SIRPA: variants seen among roughly 807,000 people sequenced by gnomAD.
The protein encoded by SIRPA is signal regulatory protein alpha.
Under a neutral mutation model 50.3 loss-of-function variants are expected in SIRPA, and 9 were observed. The ratio of observed to expected loss-of-function variants is 0.18; its 90% CI spans 0.11 to 0.31. SIRPA has a LOEUF of 0.31. Among genes scored for constraint, SIRPA ranks in the 10% least tolerant of loss-of-function variants. SIRPA has a pLI of 1.00. For missense variants in SIRPA, 474 were observed against 661.6 expected (o/e 0.72, Z 3.11); for synonymous variants, 265 against 284.1 (o/e 0.93, Z 0.68).
intron 1 of SIRPA, among the ~76,000 whole-genome samples, chr20:1,914,442 G>C (rs1985098319): frequency 6.8e-6 from 1 of 146,810 alleles, no homozygotes. Flanking sequence ...AGAAACCAAG[G>C]CTGAGAGCAG....
intron 4 of SIRPA, among the ~76,000 whole-genome samples, chr20:1,923,869 G>T (rs73069290): frequency 0.044 from 6,688 of 152,314 alleles, 215 homozygotes; most frequent in Non-Finnish European, 0.07. Flanking sequence ...GTCTCAGCTG[G>T]TAGGGGCCAT....
At chr20:1,908,373 C>G (rs1984673799) in intron 1 of SIRPA, among the ~76,000 whole-genome samples, 1 of 152,034 alleles carries the variant, frequency 6.6e-6, no homozygotes, top group African/African-American at 2.4e-5. Context: ...CCTCTACACA[C>G]ACATACACAC....
rs1364695534 is a variant in SIRPA, at chr20:1,938,886, C to G, written c.*1318C>G. The G allele has an allele frequency of 6.6e-6, 1 of 152,664 alleles. No homozygotes were observed. The highest frequency in any genetic ancestry group is 6.5e-5 in the Admixed American group (1 of 15,282). The allele number at this position is 152,664 out of a possible 1,614,324, so 9.5% of individuals were successfully genotyped here. On this transcript the variant is annotated 3_prime_UTR_variant, in exon 8 of 8. Coordinates refer to ENST00000358771, the MANE Select transcript of SIRPA (RefSeq NM_001040023.2). ...CACACAGAGGGTAGGGATAGTGGCC[C>G]TGGCCGTCTATCCTACCCCTTTAGT...
chr20:1,900,655 G>A (rs1337317778), intron 1 of SIRPA, among the ~76,000 whole-genome samples: 5 of 152,234 alleles, frequency 3.3e-5, no homozygotes, highest in African/African-American at 7.2e-5. Context: ...GGGCCCACGC[G>A]GGAGATCCAT....
intron 6 of SIRPA, among the ~76,000 whole-genome samples, chr20:1,929,623 C>A (rs1477486324): frequency 6.6e-6 from 1 of 152,136 alleles, no homozygotes; most frequent in Non-Finnish European, 1.5e-5. Flanking sequence ...TTGCTTCTTG[C>A]TCTGATCTCC....
chr20:1,928,489 A>T lies in SIRPA; in HGVS notation c.1226+590A>T, dbSNP rs1034428917. On this transcript the variant is annotated intron_variant, in intron 6 of 7. Transcript: ENST00000358771. The surrounding 1 kb of genome is among the most constrained non-coding windows in gnomAD (Gnocchi z 4.9). ...CAGCCCTGCTCAGGACCAGCTGGTG[A>T]TATAGCAGTAAACAAGAATCAGCCC... 2.6e-5 allele frequency among the ~76,000 whole-genome samples: 4 copies of T among 152,196 alleles called. No homozygotes were observed. The highest frequency in any genetic ancestry group is 9.7e-5 in the African/African-American group (4 of 41,448).
At chr20:1,913,101 T>C (rs4813319) in intron 1 of SIRPA, among the ~76,000 whole-genome samples, 65,938 of 151,960 alleles carry the variant, frequency 0.43, 14,775 homozygotes, top group East Asian at 0.66. Flanking sequence ...GGAAATGAAA[T>C]GAGAAGCTGG....
rs17855610 is a variant in SIRPA, at chr20:1,915,174, C to T, written c.155C>T (p.Thr52Ile). 0.18 allele frequency: 232,669 copies of T among 1,300,050 alleles called. 50,543 individuals are homozygous for T. Among genetic ancestry groups the T allele is most frequent in the East Asian group, 0.6 (22,922 of 38,374 alleles). The allele number at this position is 1,300,050 out of a possible 1,614,324, so 80.5% of individuals were successfully genotyped here. ...SVLVAAGETA[T>I]LRCTATSLIP... is the part of the protein sequence containing the mutation. ...TTGGTTGCAGCTGGAGAGACAGCCA[C>T]TCTGCGCTGCACTGCGACCTCTCTG... The change falls in exon 2 of 8, where the codon ACT becomes ATT. Residue 52 changes from threonine (T) to isoleucine (I), a missense_variant. Transcript: ENST00000358771.
intron 2 of SIRPA, among the ~76,000 whole-genome samples, chr20:1,916,550 G>A (rs1456558912): frequency 2.6e-5 from 4 of 152,218 alleles, no homozygotes; most frequent in Non-Finnish European, 5.9e-5. Context: ...GTTTCCTAAA[G>A]GTTCAGAATA....
At chr20:1,907,638 T>A (rs1984625475) in intron 1 of SIRPA, among the ~76,000 whole-genome samples, 1 of 152,094 alleles carries the variant, frequency 6.6e-6, no homozygotes, top group Non-Finnish European at 1.5e-5. Flanking sequence ...TCCCTAAACC[T>A]CCTCTTGCAA....
At chr20:1,922,124 C>T (rs914552773) in intron 3 of SIRPA, among the ~76,000 whole-genome samples, 189 bp from the exon 4 acceptor site, 1 of 152,184 alleles carries the variant, frequency 6.6e-6, no homozygotes, top group Non-Finnish European at 1.5e-5. Context: ...TGAGCACCTA[C>T]TGTGTGCTGG....
At chr20:1,918,482 G>A (rs1434294744) in intron 2 of SIRPA, among the ~76,000 whole-genome samples, 4 of 151,440 alleles carry the variant, frequency 2.6e-5, no homozygotes, top group Non-Finnish European at 5.9e-5. Flanking sequence ...AAAGTGCTGG[G>A]ATTACAGGTG....
upstream of SIRPA, among the ~76,000 whole-genome samples, chr20:1,895,057 G>C (rs1983687580): frequency 1.3e-5 from 2 of 150,458 alleles, no homozygotes; most frequent in Admixed American, 6.6e-5. Context: ...CGCGCGGTCT[G>C]TCGGTCTGCG....
rs1184523742 is a variant in SIRPA at position 1,898,660 on chromosome 20, C to T, written c.79+3134C>T. 6.6e-6 allele frequency among the ~76,000 whole-genome samples: 1 copy of T among 151,948 alleles called. No individual in the cohort carries two copies. Among genetic ancestry groups the T allele is most frequent in the Non-Finnish European group, 1.5e-5 (1 of 68,012 alleles). On this transcript the variant is annotated intron_variant, in intron 1 of 7. Transcript: ENST00000358771. This position sits in a 1 kb window ranked among gnomAD's most constrained non-coding sequence, Gnocchi z 4.3. Reference sequence around the variant, plus strand: ...CTGGGTGGCTTCTAGGGAAGAAGCTCAATGACTTAATCAGGATGATTTAGT... The same window carrying T: ...CTGGGTGGCTTCTAGGGAAGAAGCTTAATGACTTAATCAGGATGATTTAGT...
rs1367636805 is a variant in SIRPA, at chr20:1,939,465, C to G, written c.*1897C>G. On this transcript the variant is annotated 3_prime_UTR_variant, in exon 8 of 8. Coordinates refer to ENST00000358771, the MANE Select transcript of SIRPA (RefSeq NM_001040023.2). This position sits in a 1 kb window ranked among gnomAD's most constrained non-coding sequence, Gnocchi z 4.7. ...TCTGGGAGCCACAGTGACCCAGCCACCTGGCTCAGGCTAGTTCCAAATTCC... is the reference window on the plus strand; with the variant it reads ...TCTGGGAGCCACAGTGACCCAGCCAGCTGGCTCAGGCTAGTTCCAAATTCC... 1.3e-5 allele frequency: 2 copies of G among 152,196 alleles called. No individual in the cohort carries two copies. Among genetic ancestry groups the G allele is most frequent in the East Asian group, 1.9e-4 (1 of 5,186 alleles). 9.4% of individuals were successfully genotyped at this position (152,196 alleles called of 1,614,324 possible).
intron 5 of SIRPA, among the ~76,000 whole-genome samples, chr20:1,926,051 G>A (rs1985957365): frequency 1.3e-5 from 2 of 152,344 alleles, no homozygotes; most frequent in South Asian, 4.1e-4. Context: ...GCCTGGCACA[G>A]CTGAGCTTGG....
chr20:1,924,747 T>A lies in SIRPA; in HGVS notation c.1088-17T>A, dbSNP rs1278125631. 1.2e-6 allele frequency: 2 copies of A among 1,604,052 alleles called. No homozygotes were observed. Among genetic ancestry groups the A allele is most frequent in the East Asian group, 4.5e-5 (2 of 44,842 alleles). ...TTAATCTGCATACGTGAAGCCTCTA[T>A]TCCATGTGGTCCCTAGAGAACACTG... On this transcript the variant is annotated splice_polypyrimidine_tract_variant and intron_variant, in intron 4 of 7. Transcript: ENST00000358771. The surrounding 1 kb of genome is among the most constrained non-coding windows in gnomAD (Gnocchi z 4.5).
At position 1,936,348 on chromosome 20, in the gene SIRPA, A is replaced by G. The variant is rs1378817981; in HGVS notation, c.1267-972A>G. ...TATTGAAGACAGATGCTCAATAGGT[A>G]CCAGGCTCTGTTCTAAACGCTTTAC... On this transcript the variant is annotated intron_variant, in intron 7 of 7. Coordinates refer to ENST00000358771, the MANE Select transcript of SIRPA (RefSeq NM_001040023.2). This position sits in a 1 kb window ranked among gnomAD's most constrained non-coding sequence, Gnocchi z 4.2. Among the ~76,000 whole-genome samples the G allele has an allele frequency of 6.6e-6, 1 of 152,200 alleles. No individual in the cohort carries two copies. The highest frequency in any genetic ancestry group is 1.5e-5 in the Non-Finnish European group (1 of 68,040).
In SIRPA at chr20:1,918,360, C is replaced by CCT. The variant is rs745958149; in HGVS notation, c.436+2905_436+2906insCT. 6.1e-3 allele frequency among the ~76,000 whole-genome samples: 582 copies of CCT among 95,620 alleles called. 13 individuals carry two copies. The highest frequency in any genetic ancestry group is 7.8e-3 in the Non-Finnish European group (382 of 49,034). The allele number at this position is 95,620 out of a possible 152,430, so 62.7% of individuals were successfully genotyped here. Reference sequence around the variant, plus strand: ...ACAGGGGCACCCACCACCACACCAGCTTTTTTTTTTTTTTTTTTTTTTTGT... The same window carrying CCT: ...ACAGGGGCACCCACCACCACACCAGCCTTTTTTTTTTTTTTTTTTTTTTTTGT... On this transcript the variant is annotated intron_variant, in intron 2 of 7. Coordinates refer to ENST00000358771, the MANE Select transcript of SIRPA (RefSeq NM_001040023.2).
Sources: gnomAD v4.1 joint callset for allele counts (sites outside exome capture counted in the v4.1 genomes callset) on GRCh38, gnomAD v4.1.1 for gene constraint, Gnocchi (gnomAD v3.1) non-coding constraint, MANE v1.5 for transcripts, NCBI Gene and HGNC (gene_info 2026-07-23, HGNC 2026-07-21) for gene names.